The following CRIM1 variants were observed in gnomAD, a reference collection of about 807,000 sequenced individuals.
The protein encoded by CRIM1 is cysteine rich transmembrane BMP regulator 1, also known as cysteine-rich motor neuron 1 protein.
Under a neutral mutation model 116.4 loss-of-function variants are expected in CRIM1, and 32 were observed. The observed-to-expected ratio is 0.27, with a 90% confidence interval of 0.21 to 0.37. The LOEUF (loss-of-function observed/expected upper bound fraction) is 0.37, where lower values mean the gene tolerates loss of function less well. Among genes scored for constraint, CRIM1 ranks in the 10% least tolerant of loss-of-function variants. CRIM1 has a pLI of 1.00. For missense variants in CRIM1, 1,331 were observed against 1,354.8 expected (o/e 0.98, Z 0.28); for synonymous variants, 590 against 509.2 (o/e 1.16, Z -2.13).
chr2:36,385,906 A>G (rs1405614734), intron 1 of CRIM1, among the ~76,000 whole-genome samples: 1 of 152,172 alleles, frequency 6.6e-6, no homozygotes, highest in Non-Finnish European at 1.5e-5. Flanking sequence ...GTTAGCTGTT[A>G]TCAGAAGATT....
At chr2:36,471,366 A>G (rs547149263) in intron 5 of CRIM1, among the ~76,000 whole-genome samples, 47 of 152,310 alleles carry the variant, frequency 3.1e-4, no homozygotes, top group African/African-American at 1.1e-3. Flanking sequence ...TCATGAAAGG[A>G]AGAGTTAGTC....
chr2:36,379,588 G>A (rs1401023499), intron 1 of CRIM1, among the ~76,000 whole-genome samples: 1 of 152,028 alleles, frequency 6.6e-6, no homozygotes, highest in Non-Finnish European at 1.5e-5. Flanking sequence ...TTTAATGAAG[G>A]GTAATATGTA....
intron 2 of CRIM1, among the ~76,000 whole-genome samples, chr2:36,440,348 A>G (rs79038943): frequency 4.5e-4 from 69 of 152,260 alleles, no homozygotes; most frequent in African/African-American, 1.2e-3. Context: ...ACTGGCATCA[A>G]TTTCACCTAA....
intron 6 of CRIM1, 124 bp downstream of exon 6, chr2:36,477,195 T>G: frequency 5.4e-6 from 4 of 742,040 alleles, no homozygotes; most frequent in Non-Finnish European, 8.5e-6. Context: ...TTTTAGCCTT[T>G]TTTAAGACAC....
At chr2:36,544,866 G>T (rs998184044) in intron 15 of CRIM1, among the ~76,000 whole-genome samples, 2 of 152,152 alleles carry the variant, frequency 1.3e-5, no homozygotes, top group Admixed American at 1.3e-4. Flanking sequence ...ATTAGTCACT[G>T]TCTCTTGTAG....
chr2:36,373,465 TGG>T (rs1251008979), intron 1 of CRIM1, among the ~76,000 whole-genome samples: 3 of 152,188 alleles, frequency 2.0e-5, no homozygotes, highest in Admixed American at 2.0e-4. Flanking sequence ...CAGAGCTATT[TGG>T]GGAAATCAGT....
chr2:36,461,727 C>T (rs1287867420), intron 4 of CRIM1, among the ~76,000 whole-genome samples: 2 of 152,112 alleles, frequency 1.3e-5, no homozygotes, highest in Non-Finnish European at 2.9e-5. Context: ...GATGGGGTCC[C>T]CTTTTGTTAC....
intron 5 of CRIM1, among the ~76,000 whole-genome samples, chr2:36,465,107 G>T (rs946294781): frequency 6.6e-5 from 10 of 152,210 alleles, no homozygotes; most frequent in Admixed American, 6.5e-4. Context: ...GAACATCTTT[G>T]CACCTGATCT....
chr2:36,429,055 A>G (rs1318731257), intron 2 of CRIM1, among the ~76,000 whole-genome samples: 2 of 152,180 alleles, frequency 1.3e-5, no homozygotes, highest in Non-Finnish European at 2.9e-5. Context: ...TTGGAATACC[A>G]TATGGACAAG....
chr2:36,481,096 CATT>C (rs1296497683), intron 7 of CRIM1, among the ~76,000 whole-genome samples: 1 of 152,152 alleles, frequency 6.6e-6, no homozygotes, highest in African/African-American at 2.4e-5. Context: ...ATCCAGTAAA[CATT>C]AGCCTTTTAA....
At chr2:36,479,352 C>G in intron 6 of CRIM1, 145 bp from the exon 7 acceptor site, 2 of 718,376 alleles carry the variant, frequency 2.8e-6, no homozygotes, top group Non-Finnish European at 2.3e-6. Flanking sequence ...CCCAGAGACT[C>G]CTCATGCAAC....
intron 5 of CRIM1, among the ~76,000 whole-genome samples, chr2:36,472,046 A>G (rs1678569214): frequency 1.3e-5 from 2 of 152,224 alleles, no homozygotes; most frequent in South Asian, 2.1e-4. Flanking sequence ...GTTCTGAAGT[A>G]TATTCAAGAA....
intron 2 of CRIM1, among the ~76,000 whole-genome samples, chr2:36,413,534 T>C (rs767879411): frequency 2.0e-5 from 3 of 152,310 alleles, no homozygotes; most frequent in Non-Finnish European, 1.5e-5. Flanking sequence ...CAGAGCCTAA[T>C]TGAATGGCTT....
intron 5 of CRIM1, 38 bp from the exon 6 acceptor site, chr2:36,476,851 G>T: frequency 6.5e-7 from 1 of 1,532,280 alleles, no homozygotes; most frequent in South Asian, 1.2e-5. Context: ...ACTAAAAAAT[G>T]ACTACAAATA....
chr2:36,505,003 G>A (rs974548579), intron 8 of CRIM1, among the ~76,000 whole-genome samples: 1 of 152,186 alleles, frequency 6.6e-6, no homozygotes, highest in African/African-American at 2.4e-5. Flanking sequence ...AGAGAGGAAA[G>A]AGCCTTCATA....
At chr2:36,436,491 TAAAG>T (rs746388383) in intron 2 of CRIM1, among the ~76,000 whole-genome samples, 1 of 152,194 alleles carries the variant, frequency 6.6e-6, no homozygotes, top group Admixed American at 6.5e-5. Context: ...TTTGAAAAAT[TAAAG>T]TAAGTGCTGG....
chr2:36,448,802 A>T (rs193258759), intron 4 of CRIM1, among the ~76,000 whole-genome samples: 111 of 152,222 alleles, frequency 7.3e-4, no homozygotes, highest in Non-Finnish European at 1.4e-3. Flanking sequence ...GAAATAAATT[A>T]AGTCATTGTT....
At position 36,544,387 on chromosome 2, in the gene CRIM1, C is replaced by G. The variant is rs748064228; in HGVS notation, c.2635C>G (p.Pro879Ala). ...CCPMCPEMYV[P>A]EPTNIPIEKT... Reference sequence around the variant, plus strand: ...TTCCCTTCTTTTAGAAATGTATGTCCCAGAACCAACCAATATACCCATTGA... The same window carrying G: ...TTCCCTTCTTTTAGAAATGTATGTCGCAGAACCAACCAATATACCCATTGA... The change falls in exon 15 of 17, where the codon CCA becomes GCA. Residue 879 changes from proline (P) to alanine (A), a missense_variant. By Grantham distance (27) the Pro-to-Ala change is conservative. This residue lies in a region of CRIM1 where 283 missense variants were observed against 242.8 expected (regional missense o/e 1.17). Coordinates refer to ENST00000280527, the MANE Select transcript of CRIM1 (RefSeq NM_016441.3). The G allele has an allele frequency of 7.3e-7, 1 of 1,374,804 alleles. No individual in the cohort carries two copies. The highest frequency in any genetic ancestry group is 2.9e-5 in the Admixed American group (1 of 34,998). 85.2% of individuals were successfully genotyped at this position (1,374,804 alleles called of 1,614,324 possible).
At chr2:36,404,664 A>ATTT (rs1420248644) in intron 2 of CRIM1, among the ~76,000 whole-genome samples, 1 of 152,132 alleles carries the variant, frequency 6.6e-6, no homozygotes. Context: ...ATTGCAACAC[A>ATTT]TTTTCAATAT....
Sources: allele counts gnomAD v4.1 joint callset (sites outside exome capture counted in the v4.1 genomes callset), GRCh38; gene constraint gnomAD v4.1.1; regional missense constraint gnomAD v4.1.1; transcripts MANE v1.5; gene names NCBI Gene and HGNC (gene_info 2026-07-23, HGNC 2026-07-21).